Variants in SORBS2 observed in about 807,000 individuals in gnomAD.
The protein encoded by SORBS2 is sorbin and SH3 domain containing 2.
SORBS2 carries 46 observed loss-of-function variants against 97.7 expected under a neutral mutation model. The ratio of observed to expected loss-of-function variants is 0.47; its 90% CI spans 0.37 to 0.60. The LOEUF is 0.60. Among genes scored for constraint, SORBS2 ranks in the 20% least tolerant of loss-of-function variants. SORBS2 has a pLI of 0.00. For synonymous variants in SORBS2, 476 were observed against 473.4 expected, an observed-to-expected ratio of 1.01 and a Z score of -0.07; for missense variants, 1,316 against 1,282.3, an observed-to-expected ratio of 1.03 and a Z score of -0.40.
At chr4:185,660,276 G>T (rs893176316), upstream of SORBS2, among the ~76,000 whole-genome samples, 2 of 152,194 alleles carry the variant, frequency 1.3e-5, no homozygotes, top group Non-Finnish European at 2.9e-5. Context: ...GTCAGGCTTT[G>T]TTAATAATTA....
chr4:185,707,503 A>G (rs1583157402), intron 2 of SORBS2, among the ~76,000 whole-genome samples: 1 of 116,758 alleles, frequency 8.6e-6, no homozygotes, highest in East Asian at 2.5e-4. Context: ...CAAATGTCAT[A>G]AACATCTTTG....
intron 2 of SORBS2, chr4:185,773,910 G>A (rs1041779621): frequency 6.7e-6 from 1 of 149,798 alleles, no homozygotes; most frequent in African/African-American, 2.5e-5. Flanking sequence ...CACAGCAGAA[G>A]TTTCACTCGT....
At chr4:185,691,893 C>T (rs769528658) in intron 2 of SORBS2, among the ~76,000 whole-genome samples, 2 of 152,156 alleles carry the variant, frequency 1.3e-5, no homozygotes, top group Admixed American at 6.5e-5. Flanking sequence ...TACAGGCACC[C>T]GCCACCACGC....
chr4:185,625,579 C>T (rs542556120), intron 6 of SORBS2, among the ~76,000 whole-genome samples: 2 of 152,290 alleles, frequency 1.3e-5, no homozygotes, highest in South Asian at 4.1e-4. Context: ...TTTATCAGAA[C>T]CCTTTTAACT....
intron 2 of SORBS2, chr4:185,772,432 C>T (rs1212319868): frequency 6.6e-6 from 1 of 152,188 alleles, no homozygotes; most frequent in Non-Finnish European, 1.5e-5. Context: ...ATATTTGACA[C>T]CACCTTTGGA....
chr4:185,819,420 C>T (rs933233060), intron 1 of SORBS2, among the ~76,000 whole-genome samples: 1 of 152,152 alleles, frequency 6.6e-6, no homozygotes. Flanking sequence ...AGGAGCTTTT[C>T]CCCACCTCCC....
intron 1 of SORBS2, among the ~76,000 whole-genome samples, chr4:185,950,383 T>C (rs1032962209): frequency 6.6e-6 from 1 of 152,168 alleles, no homozygotes; most frequent in African/African-American, 2.4e-5. Flanking sequence ...TAGAGGCAGA[T>C]GAAGTATAAA....
rs1365537227 is a variant in SORBS2, at chr4:185,666,000, G to A, written c.-45-3758C>T. 4 of 1,287,032 alleles carry A rather than the reference G, an allele frequency of 3.1e-6. No homozygotes were observed. In the Admixed American group the frequency reaches 9.2e-5, roughly 30 times the overall value. 79.7% of individuals were successfully genotyped at this position (1,287,032 alleles called of 1,614,324 possible). Reference sequence around the variant, plus strand: ...TGTATAAGCAATGGGAAAGGCTCTGGGGATTATGCAGGCGTGAAGACCCCA... The same window carrying A: ...TGTATAAGCAATGGGAAAGGCTCTGAGGATTATGCAGGCGTGAAGACCCCA... On this transcript the variant is annotated intron_variant, in intron 4 of 20. Coordinates refer to the SORBS2 transcript ENST00000284776.
intron 1 of SORBS2, among the ~76,000 whole-genome samples, chr4:185,841,370 G>A (rs1386984504): frequency 1.3e-5 from 2 of 152,150 alleles, no homozygotes; most frequent in African/African-American, 4.8e-5. Context: ...GGGAAATGTT[G>A]GGTAAAATCG....
In SORBS2 at chr4:185,695,648, A is replaced by C. The variant is rs538170538; in HGVS notation, c.-197-16826T>G. 4.6e-5 allele frequency among the ~76,000 whole-genome samples: 7 copies of C among 152,290 alleles called. No individual in the cohort carries two copies. The South Asian group carries it at 1.2e-3, about 27-fold the overall frequency. Reference sequence around the variant, plus strand: ...GCACTCTCTTTGGATAAACTGCCCTAAGTGATCAATGTATTAATGCATCTC... The same window carrying C: ...GCACTCTCTTTGGATAAACTGCCCTCAGTGATCAATGTATTAATGCATCTC... On this transcript the variant is annotated intron_variant, in intron 2 of 20. Coordinates refer to the SORBS2 transcript ENST00000284776.
chr4:185,729,919 C>T (rs754273584), intron 2 of SORBS2, among the ~76,000 whole-genome samples: 2 of 152,050 alleles, frequency 1.3e-5, no homozygotes, highest in Non-Finnish European at 2.9e-5. Context: ...TATTTACTGT[C>T]TAATTCCTTC....
intron 4 of SORBS2, chr4:185,646,151 GA>G (rs997863499): frequency 1.3e-5 from 2 of 152,116 alleles, no homozygotes; most frequent in African/African-American, 4.8e-5. Flanking sequence ...TTCATCCAAA[GA>G]AATATTAAAA....
intron 13 of SORBS2, among the ~76,000 whole-genome samples, chr4:185,590,238 G>A (rs2095892203): frequency 6.6e-6 from 1 of 152,160 alleles, no homozygotes; most frequent in Admixed American, 6.5e-5. Flanking sequence ...ATAATCAGAA[G>A]CAAATAATGG....
At chr4:185,642,667 A>G (rs897964158) in intron 4 of SORBS2, among the ~76,000 whole-genome samples, 5 of 152,184 alleles carry the variant, frequency 3.3e-5, no homozygotes, top group Admixed American at 1.3e-4. Context: ...ATGAGCTTCA[A>G]AAAAGTGCGC....
At chr4:185,600,974 A>G (rs1375599265) in intron 12 of SORBS2, among the ~76,000 whole-genome samples, 1 of 151,904 alleles carries the variant, frequency 6.6e-6, no homozygotes, top group Non-Finnish European at 1.5e-5. Flanking sequence ...TCTTTTGTGT[A>G]GGTTTTATTT....
chr4:185,671,781 G>T (rs1335232122), intron 4 of SORBS2, among the ~76,000 whole-genome samples: 1 of 152,178 alleles, frequency 6.6e-6, no homozygotes. Flanking sequence ...CGTGGTATTA[G>T]AAATTCTTTC....
chr4:185,853,425 G>A (rs1352555236), intron 1 of SORBS2, among the ~76,000 whole-genome samples: 1 of 151,954 alleles, frequency 6.6e-6, no homozygotes, highest in Non-Finnish European at 1.5e-5. Context: ...GAATTTCTAC[G>A]ACACCCCAAA....
chr4:185,806,434 C>CTGTT lies in SORBS2; in HGVS notation c.-337-31069_-337-31068insAACA, dbSNP rs2099153884. ...AGTGGCACAGCTCTTGGCTAGAATC[C>CTGTT]TATTTTTTTTTTTTTTTTTTTTTTT... On this transcript the variant is annotated intron_variant, in intron 1 of 20. Transcript: ENST00000284776. Among the ~76,000 whole-genome samples the CTGTT allele has an allele frequency of 2.3e-4, 25 of 108,110 alleles. 10 individuals carry two copies. Among genetic ancestry groups the CTGTT allele is most frequent in the African/African-American group, 7.3e-4 (20 of 27,232 alleles). The allele number at this position is 108,110 out of a possible 152,430, so 70.9% of individuals were successfully genotyped here.
At chr4:185,772,746 C>G (rs2098978686) in intron 2 of SORBS2, 1 of 152,128 alleles carries the variant, frequency 6.6e-6, no homozygotes, top group Non-Finnish European at 1.5e-5. Context: ...AAACGTGTGC[C>G]CTCATGAAAC....
Sources: allele counts gnomAD v4.1 joint callset (sites outside exome capture counted in the v4.1 genomes callset), GRCh38; gene constraint gnomAD v4.1.1; transcripts MANE v1.5; gene names NCBI Gene and HGNC (gene_info 2026-07-23, HGNC 2026-07-21).